The following SYT1 variants were observed in gnomAD, a reference collection of about 807,000 sequenced individuals.
SYT1 encodes synaptotagmin-1.
SYT1 carries 8 observed loss-of-function variants against 44.8 expected under a neutral mutation model. That is an observed-to-expected ratio of 0.18 (90% CI 0.10 to 0.32). The LOEUF is 0.32. SYT1 is among the 10% of genes least tolerant of loss of function. The pLI, the probability that SYT1 is intolerant of heterozygous loss-of-function variation, is 1.00. For synonymous variants in SYT1, 154 were observed against 188.8 expected (o/e 0.82, Z 1.51); for missense variants, 286 against 509.3 (o/e 0.56, Z 4.22).
At chr12:79,422,222 T>G (rs1565951064) in intron 9 of SYT1, among the ~76,000 whole-genome samples, 1 of 152,136 alleles carries the variant, frequency 6.6e-6, no homozygotes, top group Non-Finnish European at 1.5e-5. Flanking sequence ...TCTGAGTTCA[T>G]GTTCTCATTA....
intron 3 of SYT1, among the ~76,000 whole-genome samples, chr12:79,154,403 C>A (rs1041039252): frequency 1.3e-5 from 2 of 149,722 alleles, no homozygotes; most frequent in South Asian, 4.2e-4. Flanking sequence ...ACGTTTTTTT[C>A]TCCTTTTTTT....
chr12:79,352,195 C>CA (rs1882937528), intron 8 of SYT1, among the ~76,000 whole-genome samples: 5 of 140,628 alleles, frequency 3.6e-5, no homozygotes, highest in African/African-American at 1.1e-4. Flanking sequence ...CACCCCCCCC[C>CA]CAAAAAAAAA....
intron 3 of SYT1, among the ~76,000 whole-genome samples, chr12:79,077,489 G>A (rs886189521): frequency 2.0e-5 from 3 of 152,020 alleles, no homozygotes; most frequent in Non-Finnish European, 2.9e-5. Flanking sequence ...CATTCTGACC[G>A]ATCCAAATAG....
intron 9 of SYT1, among the ~76,000 whole-genome samples, chr12:79,390,770 C>T (rs140904568): frequency 0.018 from 2,667 of 152,298 alleles, 47 homozygotes; most frequent in Middle Eastern, 0.058. Flanking sequence ...CCTTTCTCAT[C>T]TAGCATTGTT....
chr12:79,042,000 T>C (rs1286051162), intron 2 of SYT1, among the ~76,000 whole-genome samples: 1 of 151,774 alleles, frequency 6.6e-6, no homozygotes, highest in African/African-American at 2.4e-5. Context: ...GGATAAGCTT[T>C]TTGATGTGCT....
chr12:79,388,073 A>ATGGT, intron 9 of SYT1, among the ~76,000 whole-genome samples: 1 of 152,324 alleles, frequency 6.6e-6, no homozygotes, highest in East Asian at 1.9e-4. Flanking sequence ...TTTGTCATAA[A>ATGGT]CACTTAATAA....
chr12:79,038,403 T>A (rs1873286262), intron 2 of SYT1, among the ~76,000 whole-genome samples: 1 of 151,766 alleles, frequency 6.6e-6, no homozygotes, highest in African/African-American at 2.4e-5. Flanking sequence ...CAATCTAGAA[T>A]CATGCAGTGA....
At chr12:78,996,349 A>C (rs1358206103) in intron 2 of SYT1, among the ~76,000 whole-genome samples, 2 of 152,160 alleles carry the variant, frequency 1.3e-5, no homozygotes, top group Non-Finnish European at 2.9e-5. Context: ...CCCTTAAGGA[A>C]GGGTTGGTTT....
At chr12:79,254,107 G>A (rs947958559) in intron 4 of SYT1, among the ~76,000 whole-genome samples, 2 of 152,168 alleles carry the variant, frequency 1.3e-5, no homozygotes, top group East Asian at 1.9e-4. Context: ...TGTCTTCCAC[G>A]TAAATAAAGC....
At chr12:79,357,297 T>C (rs1305796158) in intron 9 of SYT1, among the ~76,000 whole-genome samples, 1 of 152,210 alleles carries the variant, frequency 6.6e-6, no homozygotes, top group Non-Finnish European at 1.5e-5. Flanking sequence ...GCATTCTTAA[T>C]ATCCCAACTT....
intron 3 of SYT1, among the ~76,000 whole-genome samples, chr12:79,203,322 CT>C (rs1873906696): frequency 6.6e-6 from 1 of 152,142 alleles, no homozygotes; most frequent in Non-Finnish European, 1.5e-5. Flanking sequence ...TCTGCCTTCC[CT>C]TTCACCAGAT....
intron 3 of SYT1, among the ~76,000 whole-genome samples, chr12:79,054,680 A>G (rs1404688507): frequency 1.3e-5 from 2 of 151,872 alleles, no homozygotes; most frequent in South Asian, 2.1e-4. Flanking sequence ...GGTGTTTTAG[A>G]TATAGGAATA....
chr12:79,014,139 G>GAAAAAAAAAAAA (rs1170016597), intron 2 of SYT1, among the ~76,000 whole-genome samples: 3 of 90,382 alleles, frequency 3.3e-5, no homozygotes, highest in African/African-American at 4.5e-5. Context: ...AAAAAAAAAA[G>GAAAAAAAAAAAA]AAAAAAAAAA....
chr12:79,413,677 A>G (rs1868562916), intron 9 of SYT1, among the ~76,000 whole-genome samples: 1 of 152,174 alleles, frequency 6.6e-6, no homozygotes, highest in Non-Finnish European at 1.5e-5. Context: ...ACTCTGGAGT[A>G]GTTAATTCTT....
chr12:79,395,332 C>T (rs1387401938), intron 9 of SYT1, among the ~76,000 whole-genome samples: 1 of 152,130 alleles, frequency 6.6e-6, no homozygotes, highest in African/African-American at 2.4e-5. Context: ...AAGTCTTCTG[C>T]CTCTGCCTCC....
intron 3 of SYT1, among the ~76,000 whole-genome samples, chr12:79,101,835 G>T (rs1437648819): frequency 6.6e-6 from 1 of 152,124 alleles, no homozygotes. Context: ...GAGCCTGACA[G>T]GTCGAGGCTG....
At chr12:79,006,458 C>G (rs925044650) in intron 2 of SYT1, among the ~76,000 whole-genome samples, 1 of 152,020 alleles carries the variant, frequency 6.6e-6, no homozygotes, top group African/African-American at 2.4e-5. Context: ...GAGGTCTAGA[C>G]AACAGGTGCT....
chr12:78,876,698 GTATATTATATAA>G (rs1238999043), intron 1 of SYT1, among the ~76,000 whole-genome samples: 7 of 109,222 alleles, frequency 6.4e-5, no homozygotes, highest in Admixed American at 2.5e-4. Context: ...CACACATGTA[GTATATTATATAA>G]TATATTATAT....
rs560532203 is a variant in SYT1, at chr12:79,415,046, T to C, written c.929-29027T>C. On this transcript the variant is annotated intron_variant, in intron 9 of 10. Transcript: ENST00000261205. ...CAAAGGATTTAGGTAACTCTTCCTTTATATATTTTCCATTTTATTTATTTA... is the reference window on the plus strand; with the variant it reads ...CAAAGGATTTAGGTAACTCTTCCTTCATATATTTTCCATTTTATTTATTTA... Among the ~76,000 whole-genome samples the C allele has an allele frequency of 2.0e-5, 3 of 152,306 alleles. No homozygotes were observed. The South Asian group carries it at 6.2e-4, about 32-fold the overall frequency.
Sources: allele counts gnomAD v4.1 joint callset (sites outside exome capture counted in the v4.1 genomes callset), GRCh38; gene constraint gnomAD v4.1.1; transcripts MANE v1.5; gene names NCBI Gene and HGNC (gene_info 2026-07-23, HGNC 2026-07-21).